The following DNAH14 variants were observed in gnomAD, a reference collection of about 807,000 sequenced individuals.
DNAH14 encodes axonemal beta dynein heavy chain 14.
Under a neutral mutation model 520.9 loss-of-function variants are expected in DNAH14, and 478 were observed. That is an observed-to-expected ratio of 0.92 (90% CI 0.85 to 0.99). DNAH14 has a LOEUF of 0.99. Ranked by LOEUF, DNAH14 falls within the 50% of genes least tolerant of loss-of-function variation. The pLI is 0.00. For missense variants in DNAH14, 4,831 were observed against 5,234.5 expected, an observed-to-expected ratio of 0.92 and a Z score of 2.38; for synonymous variants, 1,581 against 1,757.2, an observed-to-expected ratio of 0.90 and a Z score of 2.51.
chr1:225,324,070 C>T (rs1005125506), intron 62 of DNAH14, among the ~76,000 whole-genome samples, 152 bp from the exon 63 acceptor site: 4 of 152,314 alleles, frequency 2.6e-5, no homozygotes, highest in Non-Finnish European at 5.9e-5. Context: ...CCCACCTCGA[C>T]CTCCCAAAGT....
chr1:225,058,085 G>A (rs977561814), intron 17 of DNAH14, among the ~76,000 whole-genome samples: 17 of 152,148 alleles, frequency 1.1e-4, no homozygotes, highest in African/African-American at 4.1e-4. Flanking sequence ...CTGTTGATTG[G>A]AATACTTTCA....
intron 41 of DNAH14, among the ~76,000 whole-genome samples, chr1:225,210,754 C>G (rs989303973): frequency 6.6e-6 from 1 of 152,130 alleles, no homozygotes; most frequent in Non-Finnish European, 1.5e-5. Flanking sequence ...CAGGAGAGCC[C>G]CAGCTGGCAT....
At chr1:225,357,169 C>T (rs1408122446) in intron 73 of DNAH14, among the ~76,000 whole-genome samples, 1 of 151,498 alleles carries the variant, frequency 6.6e-6, no homozygotes, top group Non-Finnish European at 1.5e-5. Flanking sequence ...GCCTATTGGA[C>T]TGAAAAGAGG....
At chr1:225,192,471 G>T (rs2085573408) in intron 37 of DNAH14, among the ~76,000 whole-genome samples, 1 of 151,882 alleles carries the variant, frequency 6.6e-6, no homozygotes, top group Non-Finnish European at 1.5e-5. Flanking sequence ...ACTTTTTCTG[G>T]GGGTACTGTT....
rs535801656 is a variant in DNAH14 at position 225,147,096 on chromosome 1, T to A, written c.4795-8T>A. On this transcript the variant is annotated splice_polypyrimidine_tract_variant and splice_region_variant and intron_variant, in intron 30 of 85. Coordinates refer to ENST00000682510, the MANE Select transcript of DNAH14 (RefSeq NM_001367479.1). ...TTTTAGTAATCAATCTCTTTTTTTTTTTAAAAGATAGTGAGAAAATTTTTC... is the reference window on the plus strand; with the variant it reads ...TTTTAGTAATCAATCTCTTTTTTTTATTAAAAGATAGTGAGAAAATTTTTC... 1.2e-5 allele frequency: 18 copies of A among 1,498,284 alleles called. No individual in the cohort carries two copies. In the African/African-American group the frequency reaches 2.1e-4, roughly 18 times the overall value. 92.8% of individuals were successfully genotyped at this position (1,498,284 alleles called of 1,614,324 possible).
chr1:225,082,272 C>T (rs1385682112), intron 19 of DNAH14, among the ~76,000 whole-genome samples: 1 of 151,188 alleles, frequency 6.6e-6, no homozygotes, highest in African/African-American at 2.4e-5. Flanking sequence ...GGTAGCTGGC[C>T]ACTCCTGGTA....
chr1:225,217,694 T>C (rs965760767), intron 41 of DNAH14, among the ~76,000 whole-genome samples: 5 of 152,294 alleles, frequency 3.3e-5, no homozygotes, highest in African/African-American at 1.2e-4. Context: ...TGTGGGACCC[T>C]CCGAGCCAGG....
chr1:225,282,062 A>G (rs144463367), intron 54 of DNAH14, among the ~76,000 whole-genome samples: 98 of 152,340 alleles, frequency 6.4e-4, no homozygotes, highest in African/African-American at 2.3e-3. Flanking sequence ...ATATCAAAAC[A>G]TCAAGATGTA....
rs1288821324 is a variant in DNAH14, at chr1:225,380,302, C to T, written c.12860C>T (p.Ser4287Phe). 1.3e-6 allele frequency: 2 copies of T among 1,551,368 alleles called. No individual in the cohort carries two copies. ...KSMMSSSIWE[S>F]LSKNLKDHDP... ...ATGATGTCAAGCTCCATTTGGGAGT[C>T]TCTTTCTAAAAATCTCAAAGGTGAG... The change falls in exon 80 of 86, where the codon TCT becomes TTT. Residue 4287 changes from serine to phenylalanine, a missense_variant. Coordinates refer to ENST00000682510, the MANE Select transcript of DNAH14 (RefSeq NM_001367479.1).
At chr1:224,985,116 G>C (rs535066774) in intron 8 of DNAH14, among the ~76,000 whole-genome samples, 1 of 152,258 alleles carries the variant, frequency 6.6e-6, no homozygotes, top group Non-Finnish European at 1.5e-5. Flanking sequence ...CCACTACTGG[G>C]TATCTACCTA....
chr1:225,011,905 A>G (rs1416293461), intron 10 of DNAH14, among the ~76,000 whole-genome samples: 1 of 150,380 alleles, frequency 6.6e-6, no homozygotes, highest in African/African-American at 2.5e-5. Flanking sequence ...TCTTTATCTG[A>G]TTTGCCAGTC....
chr1:225,028,927 T>A (rs2066331809), intron 11 of DNAH14, among the ~76,000 whole-genome samples: 1 of 152,022 alleles, frequency 6.6e-6, no homozygotes, highest in Non-Finnish European at 1.5e-5. Context: ...TACCCTATAA[T>A]GTAGCAAGCC....
At chr1:225,140,076 T>G (rs1226821605) in intron 27 of DNAH14, among the ~76,000 whole-genome samples, 1 of 152,228 alleles carries the variant, frequency 6.6e-6, no homozygotes, top group Non-Finnish European at 1.5e-5. Context: ...TATTCCCACA[T>G]TCATATCTTG....
chr1:225,368,032 G>C lies in DNAH14; in HGVS notation c.12318G>C (p.Gly4106=). The C allele has an allele frequency of 6.5e-7, 1 of 1,544,062 alleles. No individual in the cohort carries two copies. Among genetic ancestry groups the C allele is most frequent in the Non-Finnish European group, 8.7e-7 (1 of 1,143,208 alleles). The change falls in exon 77 of 86, where the codon GGG becomes GGC. Residue 4106 remains glycine, a splice_region_variant and synonymous_variant. Coordinates refer to ENST00000682510, the MANE Select transcript of DNAH14 (RefSeq NM_001367479.1). Reference sequence around the variant, plus strand: ...ATAAATTTAATTCTTCAGACTTGGGGGTAAGTGTAGTCTCTTCAAACAAAC... The same window carrying C: ...ATAAATTTAATTCTTCAGACTTGGGCGTAAGTGTAGTCTCTTCAAACAAAC... The part of the protein sequence containing the change: ...IAYKFNSSDL[G]VAIKVLENSL...
chr1:225,236,127 T>C (rs1377415715), intron 42 of DNAH14, among the ~76,000 whole-genome samples: 1 of 152,034 alleles, frequency 6.6e-6, no homozygotes, highest in Non-Finnish European at 1.5e-5. Context: ...GATGGTAGTG[T>C]GTTGAGATCT....
At chr1:225,177,191 G>A (rs1437496268) in intron 36 of DNAH14, among the ~76,000 whole-genome samples, 2 of 152,184 alleles carry the variant, frequency 1.3e-5, no homozygotes, top group Non-Finnish European at 2.9e-5. Context: ...GAGACTGGTG[G>A]CATTTTGCCC....
chr1:225,274,185 C>T (rs2093392825), intron 52 of DNAH14, among the ~76,000 whole-genome samples: 1 of 148,290 alleles, frequency 6.7e-6, no homozygotes, highest in African/African-American at 2.5e-5. Flanking sequence ...TGCATCCTCA[C>T]CAGCATCTGT....
At chr1:225,394,122 G>T (rs2095967717) in intron 84 of DNAH14, among the ~76,000 whole-genome samples, 1 of 152,042 alleles carries the variant, frequency 6.6e-6, no homozygotes, top group Admixed American at 6.6e-5. Flanking sequence ...CCCGGCCACA[G>T]CGATGTTATC....
chr1:225,343,346 A>G (rs1364264393), intron 69 of DNAH14, among the ~76,000 whole-genome samples: 5 of 152,232 alleles, frequency 3.3e-5, no homozygotes, highest in Non-Finnish European at 7.3e-5. Context: ...GAAATGATTA[A>G]GACCTTACGA....
Sources: gnomAD v4.1 joint callset for allele counts (sites outside exome capture counted in the v4.1 genomes callset) on GRCh38, gnomAD v4.1.1 for gene constraint, MANE v1.5 for transcripts, NCBI Gene and HGNC (gene_info 2026-07-23, HGNC 2026-07-21) for gene names.